Variants in DLGAP2 observed in about 807,000 individuals in gnomAD.
The protein encoded by DLGAP2 is DLG associated protein 2.
A neutral mutation model predicts 100.3 loss-of-function variants in DLGAP2; 26 were observed. The ratio of observed to expected loss-of-function variants is 0.26; its 90% CI spans 0.19 to 0.36. The LOEUF is 0.36. DLGAP2 is among the 10% of genes least tolerant of loss of function. The pLI is 1.00. For synonymous variants in DLGAP2, 886 were observed against 630.1 expected (o/e 1.41, Z -6.08); for missense variants, 1,858 against 1,453.2 (o/e 1.28, Z -4.53).
chr8:741,580 T>C (rs1017265325), intron 1 of DLGAP2, among the ~76,000 whole-genome samples: 9 of 152,186 alleles, frequency 5.9e-5, no homozygotes, highest in African/African-American at 1.9e-4. Flanking sequence ...GGGATGTCAG[T>C]TGCCTTAGTT....
chr8:1,024,575 G>A (rs545439585), intron 2 of DLGAP2, among the ~76,000 whole-genome samples: 1 of 152,182 alleles, frequency 6.6e-6, no homozygotes, highest in African/African-American at 2.4e-5. Flanking sequence ...CTCTGTGGTG[G>A]GGGTGCCTCC....
intron 3 of DLGAP2, among the ~76,000 whole-genome samples, chr8:1,282,350 T>C (rs1799835157): frequency 1.6e-5 from 2 of 128,096 alleles, no homozygotes; most frequent in African/African-American, 6.0e-5. Context: ...CCCTGAACCA[T>C]CTGGACGTGG....
chr8:1,224,057 A>T (rs913305555), intron 2 of DLGAP2, among the ~76,000 whole-genome samples: 1 of 152,246 alleles, frequency 6.6e-6, no homozygotes. Context: ...TCAAAACGAT[A>T]TTCTTTGAGC....
At chr8:1,084,885 A>G (rs1803924060) in intron 2 of DLGAP2, among the ~76,000 whole-genome samples, 1 of 152,182 alleles carries the variant, frequency 6.6e-6, no homozygotes, top group Non-Finnish European at 1.5e-5. Context: ...GTTTCTGAGT[A>G]AACACCCAGA....
At chr8:1,024,927 G>A (rs1464507152) in intron 2 of DLGAP2, among the ~76,000 whole-genome samples, 1 of 152,204 alleles carries the variant, frequency 6.6e-6, no homozygotes, top group Non-Finnish European at 1.5e-5. Flanking sequence ...GGCAGAGTCT[G>A]GAATGACGGA....
intron 3 of DLGAP2, among the ~76,000 whole-genome samples, chr8:1,326,594 GGC>G (rs1269893102): frequency 1.1e-4 from 17 of 152,116 alleles, no homozygotes; most frequent in South Asian, 2.1e-4. Flanking sequence ...CTCAGGACAC[GGC>G]GCGTGCTCGG....
At chr8:887,582 C>A (rs911302780) in intron 1 of DLGAP2, among the ~76,000 whole-genome samples, 15 of 152,136 alleles carry the variant, frequency 9.9e-5, no homozygotes, top group African/African-American at 3.4e-4. Context: ...TAATGAAATC[C>A]CTCAGCATTT....
chr8:1,324,702 T>C (rs771177355), intron 3 of DLGAP2, among the ~76,000 whole-genome samples: 3 of 152,230 alleles, frequency 2.0e-5, no homozygotes, highest in African/African-American at 4.8e-5. Flanking sequence ...CATTTCACAA[T>C]TCCTTAACTG....
chr8:1,344,176 G>A (rs115364849), intron 3 of DLGAP2, among the ~76,000 whole-genome samples: 15 of 31,398 alleles, frequency 4.8e-4, no homozygotes, highest in South Asian at 1.3e-3. Flanking sequence ...TACTCGGGGC[G>A]CTGTCGTGGG....
chr8:1,683,130 A>C (rs371691871), intron 12 of DLGAP2, among the ~76,000 whole-genome samples: 6 of 151,786 alleles, frequency 4.0e-5, no homozygotes, highest in Admixed American at 3.3e-4. Flanking sequence ...AGGTACAGGA[A>C]GTGGAAACTG....
At chr8:1,283,795 AT>A (rs1373817782) in intron 3 of DLGAP2, among the ~76,000 whole-genome samples, 3 of 152,242 alleles carry the variant, frequency 2.0e-5, no homozygotes, top group African/African-American at 7.2e-5. Flanking sequence ...ATTTACTGCT[AT>A]TTTATTTATA....
chr8:1,576,249 G>T (rs1288598612), intron 6 of DLGAP2, among the ~76,000 whole-genome samples: 2 of 152,138 alleles, frequency 1.3e-5, no homozygotes, highest in Non-Finnish European at 2.9e-5. Context: ...TGTGTCTGTT[G>T]GCTGCATAAA....
chr8:982,428 C>T (rs1020718521), intron 2 of DLGAP2, among the ~76,000 whole-genome samples: 4 of 152,212 alleles, frequency 2.6e-5, no homozygotes, highest in African/African-American at 9.6e-5. Context: ...AGCTGTTTAG[C>T]AATCAGTCGA....
chr8:1,634,256 T>C lies in DLGAP2; in HGVS notation c.1810+1210T>C, dbSNP rs953142779. On this transcript the variant is annotated intron_variant, in intron 8 of 14. Transcript: ENST00000637795. ...AAAGATTATTTTTCAAAGAAAGCTG[T>C]GGATCCTCGGTGTGCTTTTTATGTG... Among the ~76,000 whole-genome samples the C allele has an allele frequency of 3.3e-5, 5 of 152,364 alleles. 1 individual carries two copies. In the South Asian group the frequency reaches 6.2e-4, roughly 19 times the overall value.
intron 1 of DLGAP2, among the ~76,000 whole-genome samples, chr8:787,421 T>C (rs1357279115): frequency 6.6e-6 from 1 of 152,220 alleles, no homozygotes; most frequent in Non-Finnish European, 1.5e-5. Flanking sequence ...AAATATCTTC[T>C]AACTTCTCTC....
chr8:1,300,199 A>G (rs750843420), intron 3 of DLGAP2: 1 of 152,252 alleles, frequency 6.6e-6, no homozygotes, highest in African/African-American at 2.4e-5. Context: ...TAGCACCGTT[A>G]TACGTGTGTG....
intron 6 of DLGAP2, among the ~76,000 whole-genome samples, chr8:1,625,948 G>A (rs1003141603): frequency 5.9e-5 from 9 of 151,934 alleles, no homozygotes; most frequent in Non-Finnish European, 1.0e-4. Context: ...TTGGACGGTC[G>A]TTCCCATCTC....
At chr8:1,072,205 G>A (rs1240934794) in intron 2 of DLGAP2, among the ~76,000 whole-genome samples, 1 of 152,308 alleles carries the variant, frequency 6.6e-6, no homozygotes, top group South Asian at 2.1e-4. Context: ...CCCAGGGACT[G>A]TGAGGGGACC....
chr8:789,207 A>G (rs1415511747), intron 1 of DLGAP2, among the ~76,000 whole-genome samples: 1 of 152,180 alleles, frequency 6.6e-6, no homozygotes, highest in Non-Finnish European at 1.5e-5. Context: ...AATAGGTGAA[A>G]CTGGGCAATT....
Sources: allele counts gnomAD v4.1 joint callset (sites outside exome capture counted in the v4.1 genomes callset), GRCh38; gene constraint gnomAD v4.1.1; transcripts MANE v1.5; gene names NCBI Gene and HGNC (gene_info 2026-07-23, HGNC 2026-07-21).